GLRX5: variants seen among roughly 807,000 people sequenced by gnomAD.
GLRX5 encodes the protein glutaredoxin 5.
In GLRX5, 10 loss-of-function variants were observed where a neutral mutation model predicts 13.8. The ratio of observed to expected loss-of-function variants is 0.72; its 90% CI spans 0.45 to 1.23. GLRX5 has a LOEUF of 1.23. Ranked by LOEUF, GLRX5 falls within the 50% of genes most tolerant of loss-of-function variation. The pLI is 0.00. For missense variants in GLRX5, 233 were observed against 215.2 expected (o/e 1.08, Z -0.52); for synonymous variants, 98 against 101.1 (o/e 0.97, Z 0.18).
intron 1 of GLRX5, chr14:95,542,966 G>C (rs886889691): frequency 4.5e-6 from 2 of 442,502 alleles, no homozygotes; most frequent in Non-Finnish European, 4.6e-6. Flanking sequence ...TTACCATTTT[G>C]TTACAGTCAT....
At position 95,535,201 on chromosome 14, in the gene GLRX5, G is replaced by T. The variant is rs754544048; in HGVS notation, c.112G>T (p.Gly38Cys). The change falls in exon 1 of 2, where the codon GGC becomes TGC. Residue 38 changes from glycine (G) to cysteine (C), a missense_variant. Gly to Cys is a radical substitution (Grantham distance 159, BLOSUM62 -3). Transcript: ENST00000331334. ...GVRAAGSGAG[G>C]GGSAEQLDAL... Reference sequence around the variant, plus strand: ...GCGGGCGGCGGGCTCGGGCGCGGGCGGCGGCGGCTCGGCGGAGCAGTTGGA... The same window carrying T: ...GCGGGCGGCGGGCTCGGGCGCGGGCTGCGGCGGCTCGGCGGAGCAGTTGGA... The T allele has an allele frequency of 3.3e-6, 5 of 1,507,810 alleles. No individual in the cohort carries two copies. The South Asian group carries it at 6.2e-5, about 19-fold the overall frequency. 93.4% of individuals were successfully genotyped at this position (1,507,810 alleles called of 1,614,324 possible). A position where few individuals can be genotyped will look rare whatever the true frequency, so the allele number is the denominator to read the frequency against.
chr14:95,541,718 G>A (rs1313961750), intron 1 of GLRX5, among the ~76,000 whole-genome samples: 1 of 152,184 alleles, frequency 6.6e-6, no homozygotes, highest in Non-Finnish European at 1.5e-5. Context: ...AATCAATGAG[G>A]CAAGCCCAAT....
chr14:95,544,444 A>G lies in GLRX5; in HGVS notation c.*319A>G. 1 of 307,374 alleles carries G rather than the reference A, an allele frequency of 3.3e-6. No homozygotes were observed. The highest frequency in any genetic ancestry group is 6.2e-6 in the Non-Finnish European group (1 of 161,614). The allele number at this position is 307,374 out of a possible 1,614,324, so 19.0% of individuals were successfully genotyped here. On this transcript the variant is annotated 3_prime_UTR_variant, in exon 2 of 2. Transcript: ENST00000331334. ...AATAGGAGCTTTGGAATCATTATTCATGACCCCTCTGCAAATGTGTCAGTC... is the reference window on the plus strand; with the variant it reads ...AATAGGAGCTTTGGAATCATTATTCGTGACCCCTCTGCAAATGTGTCAGTC...
At chr14:95,543,013 C>T in intron 1 of GLRX5, 1 of 456,080 alleles carries the variant, frequency 2.2e-6, no homozygotes, top group Non-Finnish European at 4.4e-6. Context: ...AGTAGTTGCA[C>T]AGCTGCGCTG....
At chr14:95,542,943 C>G (rs1427886243) in intron 1 of GLRX5, 1 of 432,620 alleles carries the variant, frequency 2.3e-6, no homozygotes, top group Non-Finnish European at 4.8e-6. Context: ...AAGATTGAAG[C>G]CACATTTCTT....
chr14:95,540,265 G>A (rs2139649969), intron 1 of GLRX5, among the ~76,000 whole-genome samples: 1 of 152,240 alleles, frequency 6.6e-6, no homozygotes, highest in South Asian at 2.1e-4. Context: ...TTTTTCTGTT[G>A]CCTTTCTCAG....
chr14:95,543,349 A>AAAAC (rs1555361390), intron 1 of GLRX5: 7 of 344,600 alleles, frequency 2.0e-5, no homozygotes, highest in African/African-American at 1.3e-4. Context: ...ATTAAAAAAA[A>AAAAC]AAAAAACTCA....
intron 1 of GLRX5, chr14:95,543,352 A>AAAC (rs1419541089): frequency 2.3e-5 from 8 of 344,124 alleles, no homozygotes; most frequent in Non-Finnish European, 4.6e-5. Context: ...AAAAAAAAAA[A>AAAC]AAACTCAACA....
At chr14:95,541,992 A>G (rs1438103306) in intron 1 of GLRX5, among the ~76,000 whole-genome samples, 4 of 152,248 alleles carry the variant, frequency 2.6e-5, no homozygotes. Context: ...TATAAAAGGT[A>G]TTTAAGAAAG....
chr14:95,535,086 G>T lies in GLRX5; in HGVS notation c.-4G>T. The T allele has an allele frequency of 7.5e-7, 1 of 1,333,474 alleles. No homozygotes were observed. Among genetic ancestry groups the T allele is most frequent in the Non-Finnish European group, 9.7e-7 (1 of 1,029,820 alleles). The allele number at this position is 1,333,474 out of a possible 1,614,324, so 82.6% of individuals were successfully genotyped here. ...CCGTCGTGGGCTCCGGCTTGCGTGCGGAGATGAGCGGGTCCCTCGGCCGAG... is the reference window on the plus strand; with the variant it reads ...CCGTCGTGGGCTCCGGCTTGCGTGCTGAGATGAGCGGGTCCCTCGGCCGAG... On this transcript the variant is annotated 5_prime_UTR_variant, in exon 1 of 2. Coordinates refer to ENST00000331334, the MANE Select transcript of GLRX5 (RefSeq NM_016417.3).
rs752203652 is a variant in GLRX5 at position 95,535,325 on chromosome 14, T to A, written c.236T>A (p.Leu79Gln). 5 of 1,555,352 alleles carry A rather than the reference T, an allele frequency of 3.2e-6. No homozygotes were observed. In the South Asian group the frequency reaches 5.9e-5, roughly 18 times the overall value. ...FSNAVVQILRLHGVRDYAAYN... is the reference protein window; with the variant it reads ...FSNAVVQILRQHGVRDYAAYN... ...AACGCCGTGGTGCAGATCCTGCGGC[T>A]GCACGGCGTCCGCGATTACGCGGCC... is the stretch of plus-strand genomic sequence containing the variant. Residue 79 changes from leucine to glutamine, a missense_variant, in exon 1 of 2, where the codon CTG (leucine) becomes CAG (glutamine). By Grantham distance (113) the Leu-to-Gln change is moderately radical (BLOSUM62 -2). Transcript: ENST00000331334.
intron 1 of GLRX5, among the ~76,000 whole-genome samples, chr14:95,540,979 G>C (rs978131492): frequency 1.2e-4 from 18 of 152,158 alleles, no homozygotes; most frequent in Admixed American, 9.8e-4. Flanking sequence ...CATTAGATGC[G>C]TGTAAACTGA....
At chr14:95,543,085 A>G (rs552357379) in intron 1 of GLRX5, 2 of 456,074 alleles carry the variant, frequency 4.4e-6, no homozygotes, top group African/African-American at 2.0e-5. Context: ...GACTGATCAC[A>G]TGCATGCTGG....
chr14:95,540,052 G>A (rs1021161833), intron 1 of GLRX5, among the ~76,000 whole-genome samples: 1 of 152,056 alleles, frequency 6.6e-6, no homozygotes, highest in Admixed American at 6.6e-5. Context: ...ACCATGCCTG[G>A]CTAATTTTTT....
chr14:95,539,170 C>A (rs960812037), intron 1 of GLRX5, among the ~76,000 whole-genome samples: 4 of 152,190 alleles, frequency 2.6e-5, no homozygotes, highest in Non-Finnish European at 5.9e-5. Flanking sequence ...GAGGTGGAAC[C>A]GTTTCATCCC....
rs184842277 is a variant in GLRX5, at chr14:95,543,776, C to T, written c.296-171C>T. The T allele has an allele frequency of 4.6e-6, 3 of 654,174 alleles. No individual in the cohort carries two copies. The African/African-American group carries it at 5.4e-5, about 12-fold the overall frequency. The allele number at this position is 654,174 out of a possible 1,614,324, so 40.5% of individuals were successfully genotyped here. A position where few individuals can be genotyped will look rare whatever the true frequency, so the allele number is the denominator to read the frequency against. ...AGAGTCAGGGCCTAACCACTGGTCT[C>T]TTTGACACAAAAACTCATGCTCTTA... is the stretch of plus-strand genomic sequence containing the variant. On this transcript the variant is annotated intron_variant, in intron 1 of 1. Coordinates refer to ENST00000331334, the MANE Select transcript of GLRX5 (RefSeq NM_016417.3).
At chr14:95,543,348 A>AC (rs1236488534) in intron 1 of GLRX5, 8 of 345,162 alleles carry the variant, frequency 2.3e-5, no homozygotes, top group African/African-American at 1.7e-4. Flanking sequence ...AATTAAAAAA[A>AC]AAAAAAACTC....
chr14:95,540,312 T>C (rs766068477), intron 1 of GLRX5, among the ~76,000 whole-genome samples: 5 of 152,192 alleles, frequency 3.3e-5, no homozygotes, highest in Non-Finnish European at 7.3e-5. Flanking sequence ...GTGGAGCATG[T>C]TGGTATGGAG....
chr14:95,543,853 G>T, intron 1 of GLRX5, 94 bp from the exon 2 acceptor site: 2 of 1,073,456 alleles, frequency 1.9e-6, no homozygotes, highest in Middle Eastern at 2.0e-4. Flanking sequence ...GGGACAGTGG[G>T]TTGTCTGCTA....
Sources: gnomAD v4.1 joint callset for allele counts (sites outside exome capture counted in the v4.1 genomes callset) on GRCh38, gnomAD v4.1.1 for gene constraint, MANE v1.5 for transcripts, NCBI Gene and HGNC (gene_info 2026-07-23, HGNC 2026-07-21) for gene names.